G3BP2: variants seen among roughly 807,000 people sequenced by gnomAD.
G3BP2 encodes the protein G3BP stress granule assembly factor 2, also known as ras GTPase-activating protein-binding protein 2.
G3BP2 carries 11 observed loss-of-function variants against 56.7 expected under a neutral mutation model. The ratio of observed to expected loss-of-function variants is 0.19; its 90% CI spans 0.12 to 0.32. G3BP2 has a LOEUF of 0.32. G3BP2 is among the 10% of genes least tolerant of loss of function. The pLI, the probability that G3BP2 is intolerant of heterozygous loss-of-function variation, is 1.00. For missense variants in G3BP2, 340 were observed against 610.9 expected (o/e 0.56, Z 4.67); for synonymous variants, 165 against 191.6 (o/e 0.86, Z 1.15).
Position 75,643,295 on chromosome 4 carries a change from T to TGATATATATATATATATATATATATATA in G3BP2, c.*2134_*2135insTATATATATATATATATATATATATATC, listed in dbSNP as rs1730984820. The TGATATATATATATATATATATATATATA allele has an allele frequency of 1.0e-5, 1 of 99,942 alleles. No individual in the cohort carries two copies. The highest frequency in any genetic ancestry group is 2.2e-5 in the Non-Finnish European group (1 of 46,322). 6.2% of individuals were successfully genotyped at this position (99,942 alleles called of 1,614,324 possible). A position where few individuals can be genotyped will look rare whatever the true frequency, so the allele number is the denominator to read the frequency against. On this transcript the variant is annotated 3_prime_UTR_variant, in exon 12 of 12. Transcript: ENST00000359707. Reference sequence around the variant, plus strand: ...GCAGGGCAATATCCTGAATTGGAAATTATATATATATATATATATATGGAA... The same window carrying TGATATATATATATATATATATATATATA: ...GCAGGGCAATATCCTGAATTGGAAATGATATATATATATATATATATATATATATATATATATATATATATATATGGAA...
intron 3 of G3BP2, 121 bp from the exon 4 acceptor site, chr4:75,657,851 G>T: frequency 1.6e-6 from 1 of 624,332 alleles, no homozygotes; most frequent in Non-Finnish European, 2.7e-6. Context: ...TTCCTGAACT[G>T]AATCCAACGA....
At chr4:75,672,306 G>GC (rs948152802) in intron 1 of G3BP2, among the ~76,000 whole-genome samples, 2 of 152,142 alleles carry the variant, frequency 1.3e-5, no homozygotes, top group African/African-American at 4.8e-5. Flanking sequence ...GCGGCAAAGG[G>GC]CCATCTTAAG....
rs183326656 is a variant in G3BP2 at position 75,646,204 on chromosome 4, T to C, written c.1176+134A>G. 1.1e-4 allele frequency: 63 copies of C among 586,696 alleles called. No homozygotes were observed. The Middle Eastern group carries it at 1.4e-3, about 13-fold the overall frequency. The allele number at this position is 586,696 out of a possible 1,614,324, so 36.3% of individuals were successfully genotyped here. The stretch of plus-strand genomic sequence containing the variant: ...GATCTGCAAACTAACAAATCTTTAT[T>C]CTTTGCATAAATACCATTTAATAAC... On this transcript the variant is annotated intron_variant, in intron 11 of 11. Coordinates refer to ENST00000359707, the MANE Select transcript of G3BP2 (RefSeq NM_203505.3).
chr4:75,667,601 A>G (rs550888192), intron 1 of G3BP2, among the ~76,000 whole-genome samples: 1 of 152,234 alleles, frequency 6.6e-6, no homozygotes, highest in African/African-American at 2.4e-5. Flanking sequence ...AAATGAAAAC[A>G]TTATCCAAGG....
At chr4:75,699,244 T>C (rs13150129) in intron 3 of G3BP2, among the ~76,000 whole-genome samples, 35,963 of 152,114 alleles carry the variant, frequency 0.24, 4,475 homozygotes, top group Middle Eastern at 0.36. Context: ...TCCTACAATA[T>C]CCCTCTCTAG....
intron 1 of G3BP2, among the ~76,000 whole-genome samples, chr4:75,665,381 T>A (rs1178888953): frequency 6.6e-6 from 1 of 152,222 alleles, no homozygotes; most frequent in Non-Finnish European, 1.5e-5. Context: ...GTGTCATTGA[T>A]TTTCCAGAAA....
chr4:75,645,812 GC>G, intron 11 of G3BP2, 110 bp from the exon 12 acceptor site: 5 of 901,992 alleles, frequency 5.5e-6, no homozygotes, highest in South Asian at 4.9e-5. Flanking sequence ...ACTTTTATCA[GC>G]CCCCCACCCC....
At chr4:75,721,256 T>C (rs1054457663) in intron 2 of G3BP2, among the ~76,000 whole-genome samples, 1 of 150,438 alleles carries the variant, frequency 6.6e-6, no homozygotes, top group African/African-American at 2.5e-5. Context: ...TAGTCTTTTT[T>C]TTTTTTTTTT....
At chr4:75,716,697 T>G (rs1201557301) in intron 3 of G3BP2, among the ~76,000 whole-genome samples, 1 of 152,062 alleles carries the variant, frequency 6.6e-6, no homozygotes, top group East Asian at 1.9e-4. Flanking sequence ...GTATTTTTAG[T>G]AGACACGGGG....
chr4:75,648,550 A>C, intron 9 of G3BP2, 89 bp downstream of exon 9: 1 of 683,262 alleles, frequency 1.5e-6, no homozygotes, highest in South Asian at 1.7e-5. Context: ...GGGTCTGTGT[A>C]TAGAACGCAT....
intron 3 of G3BP2, among the ~76,000 whole-genome samples, chr4:75,697,615 A>T (rs1399297896): frequency 1.3e-5 from 2 of 152,164 alleles, no homozygotes; most frequent in African/African-American, 4.8e-5. Context: ...ACAGAAAAAA[A>T]TGTCATAAGT....
intron 3 of G3BP2, among the ~76,000 whole-genome samples, chr4:75,700,711 G>T (rs986237435): frequency 2.0e-5 from 3 of 149,390 alleles, no homozygotes; most frequent in Non-Finnish European, 4.4e-5. Context: ...GAGCCACTGC[G>T]CCCAGCTGAG....
intron 3 of G3BP2, among the ~76,000 whole-genome samples, chr4:75,696,312 T>C (rs4859544): frequency 0.88 from 133,281 of 152,196 alleles, 58,382 homozygotes; most frequent in East Asian, 0.91. Context: ...TTATGACAAG[T>C]GCACACTGAA....
chr4:75,658,705 C>T (rs6843244), intron 3 of G3BP2, 138 bp downstream of exon 3: 70,766 of 640,452 alleles, frequency 0.11, 5,149 homozygotes, highest in African/African-American at 0.29. Flanking sequence ...CCAGCCTGGG[C>T]AACAAGAGCA....
At chr4:75,697,362 T>C (rs1354731676) in intron 3 of G3BP2, among the ~76,000 whole-genome samples, 2 of 150,650 alleles carry the variant, frequency 1.3e-5, no homozygotes, top group East Asian at 2.0e-4. Context: ...CTGGGATTTA[T>C]TTCAAAATAA....
intron 1 of G3BP2, among the ~76,000 whole-genome samples, chr4:75,667,790 T>A (rs1733173306): frequency 6.6e-6 from 1 of 152,096 alleles, no homozygotes; most frequent in Non-Finnish European, 1.5e-5. Flanking sequence ...CTCAGGAGGC[T>A]AAGGCAGCAG....
chr4:75,653,583 TTG>T (rs1731863389), intron 8 of G3BP2, among the ~76,000 whole-genome samples: 1 of 133,050 alleles, frequency 7.5e-6, no homozygotes, highest in Non-Finnish European at 1.6e-5. Context: ...TTTTTTTTTT[TTG>T]CTTTAAAAAA....
intron 8 of G3BP2, among the ~76,000 whole-genome samples, chr4:75,652,613 G>A (rs972087642): frequency 6.6e-5 from 10 of 152,078 alleles, no homozygotes; most frequent in African/African-American, 1.2e-4. Flanking sequence ...CAGCCTGGGC[G>A]ACAGAGCGAG....
At chr4:75,719,209 T>G (rs10019073) in intron 3 of G3BP2, among the ~76,000 whole-genome samples, 134,436 of 150,558 alleles carry the variant, frequency 0.89, 60,067 homozygotes, top group African/African-American at 0.93. Context: ...TTAGCCGGGC[T>G]TAGTGGCGGG....
Sources: gnomAD v4.1 joint callset for allele counts (sites outside exome capture counted in the v4.1 genomes callset) on GRCh38, gnomAD v4.1.1 for gene constraint, MANE v1.5 for transcripts, NCBI Gene and HGNC (gene_info 2026-07-23, HGNC 2026-07-21) for gene names.